PCNT: variants seen among roughly 807,000 people sequenced by gnomAD.
The protein encoded by PCNT is kendrin.
A neutral mutation model predicts 380.4 loss-of-function variants in PCNT; 319 were observed. The observed-to-expected ratio is 0.84, with a 90% CI of 0.77 to 0.92. PCNT has a LOEUF of 0.92. PCNT is among the 40% of genes least tolerant of loss of function. The probability of loss-of-function intolerance (pLI) is 0.00; values close to 1 mark genes in which losing one functional copy is unlikely to be tolerated. For missense variants in PCNT, 4,400 were observed against 4,255.3 expected (o/e 1.03, Z -0.95); for synonymous variants, 1,845 against 1,735.2 (o/e 1.06, Z -1.57).
chr21:46,377,395 C>T (rs1034342564), intron 15 of PCNT, among the ~76,000 whole-genome samples: 1 of 152,194 alleles, frequency 6.6e-6, no homozygotes, highest in African/African-American at 2.4e-5. Flanking sequence ...TATCAGTTAC[C>T]TTTTCACATG....
At position 46,433,105 on chromosome 21, in the gene PCNT, G is replaced by A. The variant is rs144324416; in HGVS notation, c.8751+890G>A. ...GAATAGAAGGGATGAGAGCAGGCCG[G>A]GCACGGTGGCCGATGCCTGTAATCC... On this transcript the variant is annotated intron_variant, in intron 38 of 46. Transcript: ENST00000359568. Among the ~76,000 whole-genome samples the A allele has an allele frequency of 4.5e-4, 69 of 152,330 alleles. No homozygotes were observed. The East Asian group carries it at 9.1e-3, about 20-fold the overall frequency.
At position 46,360,213 on chromosome 21, in the gene PCNT, A is replaced by ATTTT. The variant is rs71318070; in HGVS notation, c.2154+3045_2154+3048dup. ...TTATGTGGACAGCATATAGTTGGCA[A>ATTTT]TTTTTTTTTTTTTTTTTTTTTTTTT... is the stretch of plus-strand genomic sequence containing the variant. On this transcript the variant is annotated intron_variant, in intron 13 of 46. Coordinates refer to ENST00000359568, the MANE Select transcript of PCNT (RefSeq NM_006031.6). Among the ~76,000 whole-genome samples, 32 of 82,466 alleles carry ATTTT rather than the reference A, an allele frequency of 3.9e-4. 1 individual carries two copies. Among genetic ancestry groups the ATTTT allele is most frequent in the African/African-American group, 1.0e-3 (20 of 19,614 alleles). The allele number at this position is 82,466 out of a possible 152,430, so 54.1% of individuals were successfully genotyped here. A position where few individuals can be genotyped will look rare whatever the true frequency, so the allele number is the denominator to read the frequency against.
chr21:46,403,304 A>G (rs1187763319), intron 27 of PCNT, among the ~76,000 whole-genome samples: 2 of 135,740 alleles, frequency 1.5e-5, no homozygotes, highest in African/African-American at 5.5e-5. Flanking sequence ...TGCTCGGTGA[A>G]TGAACACAGC....
chr21:46,415,498 C>A (rs1461961183), intron 29 of PCNT, among the ~76,000 whole-genome samples: 2 of 151,006 alleles, frequency 1.3e-5, no homozygotes, highest in South Asian at 4.2e-4. Context: ...CAATTCACTG[C>A]CTCAGCCTCC....
At position 46,346,891 on chromosome 21, in the gene PCNT, A is replaced by G; in HGVS notation, c.869A>G (p.Gln290Arg). Residue 290 changes from glutamine to arginine, a missense_variant, in exon 5 of 47, where the codon CAG becomes CGG. Gln to Arg is a conservative substitution (Grantham distance 43). Transcript: ENST00000359568. ...LREMLNSRRA[Q>R]ELALLQSRQQ... ...GAGATGCTCAACAGCCGGCGTGCCC[A>G]GGAGCTGGCCCTGCTACAGAGCAGG... 1 of 1,606,722 alleles carries G rather than the reference A, an allele frequency of 6.2e-7. No homozygotes were observed. The highest frequency in any genetic ancestry group is 8.5e-7 in the Non-Finnish European group (1 of 1,177,488).
At chr21:46,347,021 C>A in intron 5 of PCNT, 23 bp downstream of exon 5, 1 of 1,585,982 alleles carries the variant, frequency 6.3e-7, no homozygotes, top group Non-Finnish European at 8.6e-7. Flanking sequence ...TAGGCGGGCA[C>A]GGGCAGCGTG....
intron 27 of PCNT, among the ~76,000 whole-genome samples, chr21:46,406,882 C>T (rs1601988701): frequency 6.6e-6 from 1 of 152,178 alleles, no homozygotes; most frequent in Non-Finnish European, 1.5e-5. Flanking sequence ...TTAAACTAAC[C>T]TTGCGGTTCT....
chr21:46,408,368 A>G (rs1018088009), intron 27 of PCNT, among the ~76,000 whole-genome samples: 9 of 152,244 alleles, frequency 5.9e-5, no homozygotes, highest in African/African-American at 9.6e-5. Context: ...ACTTTCATGC[A>G]TAGCTTTTTG....
intron 33 of PCNT, 68 bp from the exon 34 acceptor site, chr21:46,427,554 G>A: frequency 6.3e-7 from 1 of 1,595,036 alleles, no homozygotes; most frequent in Non-Finnish European, 8.6e-7. Flanking sequence ...CAGTCACACT[G>A]CGAACTTTAG....
chr21:46,439,698 C>G (rs1031088499), intron 41 of PCNT, among the ~76,000 whole-genome samples: 1 of 152,148 alleles, frequency 6.6e-6, no homozygotes, highest in Non-Finnish European at 1.5e-5. Context: ...CCACAGCTGT[C>G]GAGAGTTGAC....
intron 2 of PCNT, among the ~76,000 whole-genome samples, chr21:46,327,385 GTTTTCTTTTTCT>G (rs900692369): frequency 8.2e-5 from 11 of 133,674 alleles, no homozygotes; most frequent in Non-Finnish European, 1.9e-4. Flanking sequence ...ATAAATTTGG[GTTTTCTTTTTCT>G]TTTTTTTTCT....
In PCNT at chr21:46,425,705, GC is replaced by G; in HGVS notation, c.7180-123del. On this transcript the variant is annotated intron_variant, in intron 32 of 46. Coordinates refer to ENST00000359568, the MANE Select transcript of PCNT (RefSeq NM_006031.6). The surrounding 1 kb of genome is among the most constrained non-coding windows in gnomAD (Gnocchi z 4.2). ...GCCGCCTGTACGAAGCCGAGGCGGT[GC>G]CCTCCCTCTCCACAGCTGCCCGCCC... 3.7e-6 allele frequency: 5 copies of G among 1,366,730 alleles called. No individual in the cohort carries two copies. The highest frequency in any genetic ancestry group is 5.2e-6 in the Non-Finnish European group (5 of 968,732). 84.7% of individuals were successfully genotyped at this position (1,366,730 alleles called of 1,614,324 possible). A position where few individuals can be genotyped will look rare whatever the true frequency, so the allele number is the denominator to read the frequency against.
At chr21:46,370,879 C>CA (rs1341363920) in intron 15 of PCNT, among the ~76,000 whole-genome samples, 1 of 152,090 alleles carries the variant, frequency 6.6e-6, no homozygotes, top group Non-Finnish European at 1.5e-5. Flanking sequence ...ACTAAAAATA[C>CA]AAAAAATTAG....
At chr21:46,443,676 A>C in intron 44 of PCNT, 134 bp from the exon 45 acceptor site, 1 of 852,560 alleles carries the variant, frequency 1.2e-6, no homozygotes, top group Non-Finnish European at 2.0e-6. Flanking sequence ...TACCTTGAGC[A>C]CTTTAAAAAT....
intron 38 of PCNT, among the ~76,000 whole-genome samples, chr21:46,435,104 G>A (rs16979207): frequency 0.13 from 19,545 of 152,240 alleles, 3,522 homozygotes; most frequent in African/African-American, 0.41. Flanking sequence ...TCAGCTGTGG[G>A]TCCCAGTACA....
chr21:46,443,867 G>C lies in PCNT; in HGVS notation c.9758G>C (p.Arg3253Pro), dbSNP rs559836256. 1.2e-5 allele frequency: 19 copies of C among 1,613,084 alleles called. No individual in the cohort carries two copies. ...AGAACCAGAGAGTCCCCCCCAACCC[G>C]GGATGTACCCTCTGGCCACACCAGG... Reference protein sequence around the residue: ...PPRTRESPPTRDVPSGHTRDP... With the variant: ...PPRTRESPPTPDVPSGHTRDP... The change falls in exon 45 of 47, where the codon CGG (arginine) becomes CCG (proline). Residue 3253 changes from arginine (R) to proline (P), a missense_variant. By Grantham distance (103) the Arg-to-Pro change is moderately radical. Coordinates refer to ENST00000359568, the MANE Select transcript of PCNT (RefSeq NM_006031.6).
intron 21 of PCNT, among the ~76,000 whole-genome samples, chr21:46,394,934 C>G (rs888524653): frequency 2.6e-5 from 4 of 152,226 alleles, no homozygotes; most frequent in African/African-American, 9.7e-5. Flanking sequence ...GTGTGCCTCC[C>G]TGAGTCTGCG....
intron 20 of PCNT, 131 bp from the exon 21 acceptor site, chr21:46,391,033 T>C (rs2086012864): frequency 9.0e-7 from 1 of 1,112,252 alleles, no homozygotes; most frequent in African/African-American, 1.6e-5. Context: ...GGCCTACACC[T>C]GGGTCCTGGA....
intron 2 of PCNT, 133 bp downstream of exon 2, chr21:46,326,722 A>G: frequency 9.6e-7 from 1 of 1,036,482 alleles, no homozygotes; most frequent in Non-Finnish European, 1.5e-6. Flanking sequence ...TTTAGTTTAT[A>G]AAAAGTGAGG....
Sources: gnomAD v4.1 joint callset for allele counts (sites outside exome capture counted in the v4.1 genomes callset) on GRCh38, gnomAD v4.1.1 for gene constraint, Gnocchi (gnomAD v3.1) non-coding constraint, MANE v1.5 for transcripts, NCBI Gene and HGNC (gene_info 2026-07-23, HGNC 2026-07-21) for gene names.